EYS: variants seen among roughly 807,000 people sequenced by gnomAD.
The protein encoded by EYS is EGF-like photoreceptor maintenance factor.
In EYS, 250 loss-of-function variants were observed where a neutral mutation model predicts 282.1. The observed-to-expected ratio is 0.89, with a 90% CI of 0.80 to 0.98. EYS has a LOEUF of 0.98. EYS is among the 50% of genes least tolerant of loss of function. The pLI is 0.00. For synonymous variants in EYS, 1,355 were observed against 1,282.9 expected, an observed-to-expected ratio of 1.06 and a Z score of -1.20; for missense variants, 4,016 against 3,709.0, an observed-to-expected ratio of 1.08 and a Z score of -2.15.
At chr6:64,257,860 A>C (rs1767454563) in intron 30 of EYS, among the ~76,000 whole-genome samples, 1 of 152,026 alleles carries the variant, frequency 6.6e-6, no homozygotes, top group Admixed American at 6.6e-5. Flanking sequence ...GTGACAACAG[A>C]AAACACTACA....
chr6:64,875,738 T>G (rs1766729916), intron 19 of EYS, among the ~76,000 whole-genome samples: 1 of 152,110 alleles, frequency 6.6e-6, no homozygotes, highest in Non-Finnish European at 1.5e-5. Flanking sequence ...ATTAAAATGT[T>G]CTTACATAAT....
chr6:65,479,895 C>A (rs1765545491), intron 5 of EYS, among the ~76,000 whole-genome samples: 1 of 151,890 alleles, frequency 6.6e-6, no homozygotes, highest in Non-Finnish European at 1.5e-5. Context: ...GTGGCTCACA[C>A]CTGTAATCCC....
At chr6:65,189,895 A>G (rs1765601157) in intron 12 of EYS, among the ~76,000 whole-genome samples, 1 of 151,820 alleles carries the variant, frequency 6.6e-6, no homozygotes, top group Non-Finnish European at 1.5e-5. Flanking sequence ...ACATAAGAGC[A>G]AAAGAACAAA....
At chr6:64,182,589 T>A (rs890150659) in intron 31 of EYS, among the ~76,000 whole-genome samples, 5 of 152,184 alleles carry the variant, frequency 3.3e-5, no homozygotes, top group Non-Finnish European at 5.9e-5. Flanking sequence ...AAGTCATTTA[T>A]CATGTCTCTG....
intron 14 of EYS, among the ~76,000 whole-genome samples, chr6:64,976,575 A>C (rs1770481505): frequency 6.6e-6 from 1 of 152,052 alleles, no homozygotes; most frequent in Non-Finnish European, 1.5e-5. Flanking sequence ...TAAAAGCAGT[A>C]ATCTCATTTA....
intron 26 of EYS, among the ~76,000 whole-genome samples, chr6:64,453,003 A>T (rs1775417007): frequency 6.6e-6 from 1 of 152,236 alleles, no homozygotes; most frequent in African/African-American, 2.4e-5. Context: ...GCCAAAGTTG[A>T]CAAATGGGAT....
chr6:63,731,587 T>C (rs188674637), intron 41 of EYS, among the ~76,000 whole-genome samples: 3 of 152,318 alleles, frequency 2.0e-5, no homozygotes, highest in South Asian at 2.1e-4. Context: ...TAGTTATGTA[T>C]AATCATCTAT....
At chr6:65,683,528 A>G (rs994129503) in intron 1 of EYS, among the ~76,000 whole-genome samples, 1 of 152,056 alleles carries the variant, frequency 6.6e-6, no homozygotes, top group Non-Finnish European at 1.5e-5. Context: ...CATTTTGAAG[A>G]TCCACAATCT....
chr6:64,364,663 AT>A (rs1390125270), intron 29 of EYS, among the ~76,000 whole-genome samples: 1 of 151,302 alleles, frequency 6.6e-6, no homozygotes, highest in African/African-American at 2.4e-5. Context: ...GGATCTTGGA[AT>A]TTATATTGAA....
At chr6:64,080,664 T>A (rs1337112400) in intron 32 of EYS, among the ~76,000 whole-genome samples, 1 of 152,124 alleles carries the variant, frequency 6.6e-6, no homozygotes, top group Non-Finnish European at 1.5e-5. Context: ...TGCCTAGGTT[T>A]TCTTCTAGGG....
chr6:64,028,138 T>C (rs927258492), intron 33 of EYS, among the ~76,000 whole-genome samples: 17 of 152,190 alleles, frequency 1.1e-4, no homozygotes, highest in African/African-American at 3.6e-4. Flanking sequence ...ATTGTCTACA[T>C]GAATATGGGG....
At chr6:65,222,269 A>C (rs1306114399) in intron 12 of EYS, among the ~76,000 whole-genome samples, 1 of 152,170 alleles carries the variant, frequency 6.6e-6, no homozygotes, top group African/African-American at 2.4e-5. Context: ...CCCAAATCTC[A>C]CCTTGAAATG....
intron 7 of EYS, among the ~76,000 whole-genome samples, chr6:65,388,557 GA>G (rs1483396459): frequency 3.9e-5 from 6 of 151,960 alleles, no homozygotes; most frequent in Admixed American, 3.9e-4. Context: ...TCAGAAAAGG[GA>G]AAGGCAAATA....
At chr6:65,694,899 T>A (rs1769386917) in intron 1 of EYS, among the ~76,000 whole-genome samples, 2 of 151,820 alleles carry the variant, frequency 1.3e-5, no homozygotes, top group African/African-American at 4.8e-5. Flanking sequence ...GTAAGAAAAA[T>A]TATTAATAAA....
At chr6:65,433,840 T>C (rs1566710) in intron 5 of EYS, among the ~76,000 whole-genome samples, 7 of 148,318 alleles carry the variant, frequency 4.7e-5, no homozygotes, top group African/African-American at 1.7e-4. Flanking sequence ...ATCTTTCTTT[T>C]GGCCCAGAGG....
At chr6:65,479,808 TAA>T (rs949309828) in intron 5 of EYS, among the ~76,000 whole-genome samples, 3 of 152,124 alleles carry the variant, frequency 2.0e-5, no homozygotes, top group Non-Finnish European at 2.9e-5. Flanking sequence ...TTTAAAATGA[TAA>T]GTTTATTTTA....
At chr6:63,725,421 A>G (rs1280863577) in intron 42 of EYS, among the ~76,000 whole-genome samples, 3 of 152,118 alleles carry the variant, frequency 2.0e-5, no homozygotes, top group Admixed American at 1.3e-4. Context: ...GCCCTCTTAC[A>G]TAGGTCCCAC....
intron 2 of EYS, among the ~76,000 whole-genome samples, chr6:65,569,690 C>A (rs1350298997): frequency 6.6e-6 from 1 of 152,026 alleles, no homozygotes; most frequent in African/African-American, 2.4e-5. Flanking sequence ...TGGTCTCAAC[C>A]CAGGATCTGA....
chr6:64,874,040 G>A (rs1473983228), intron 19 of EYS, among the ~76,000 whole-genome samples: 3 of 151,964 alleles, frequency 2.0e-5, no homozygotes, highest in Non-Finnish European at 4.4e-5. Flanking sequence ...ATTTTTAAGT[G>A]TCTTTAAGAT....
Sources: allele counts gnomAD v4.1 joint callset (sites outside exome capture counted in the v4.1 genomes callset), GRCh38; gene constraint gnomAD v4.1.1; transcripts MANE v1.5; gene names NCBI Gene and HGNC (gene_info 2026-07-23, HGNC 2026-07-21).